Variants in ASIC2 observed in about 807,000 individuals in gnomAD.
ASIC2 encodes acid sensing ion channel subunit 2.
In ASIC2, 25 loss-of-function variants were observed where a neutral mutation model predicts 57.3. The ratio of observed to expected loss-of-function variants is 0.44; its 90% CI spans 0.32 to 0.61. ASIC2 has a LOEUF of 0.61. ASIC2 is among the 20% of genes least tolerant of loss of function. The pLI, the probability that ASIC2 is intolerant of heterozygous loss-of-function variation, is 0.06. For missense variants in ASIC2, 641 were observed against 738.1 expected (o/e 0.87, Z 1.52); for synonymous variants, 319 against 307.5 (o/e 1.04, Z -0.39).
chr17:33,462,046 G>A (rs765921109), intron 1 of ASIC2, among the ~76,000 whole-genome samples: 9 of 152,150 alleles, frequency 5.9e-5, no homozygotes, highest in African/African-American at 9.7e-5. Context: ...AAGAGAGACC[G>A]CGTATTTCAT....
chr17:33,111,839 G>T, intron 2 of ASIC2, 78 bp downstream of exon 2: 1 of 1,531,522 alleles, frequency 6.5e-7, no homozygotes, highest in Non-Finnish European at 8.8e-7. Flanking sequence ...GGTGGGCCAA[G>T]ACAGCTCACC....
intron 1 of ASIC2, among the ~76,000 whole-genome samples, chr17:33,644,893 G>A (rs1413611814): frequency 6.6e-6 from 1 of 152,192 alleles, no homozygotes; most frequent in Non-Finnish European, 1.5e-5. Context: ...AGCTCAGTAT[G>A]TAGGAAGGTA....
chr17:33,058,780 G>A (rs1427701196), intron 3 of ASIC2, among the ~76,000 whole-genome samples: 5 of 151,944 alleles, frequency 3.3e-5, no homozygotes, highest in Non-Finnish European at 7.4e-5. Context: ...AGAAACCAGC[G>A]TAAGGAAAGA....
chr17:34,045,955 T>C (rs370318027), intron 1 of ASIC2, among the ~76,000 whole-genome samples: 1 of 152,278 alleles, frequency 6.6e-6, no homozygotes, highest in East Asian at 1.9e-4. Context: ...GTATAGGGTT[T>C]TGGGGACCAG....
chr17:33,838,789 G>C, intron 1 of ASIC2, among the ~76,000 whole-genome samples: 1 of 152,086 alleles, frequency 6.6e-6, no homozygotes. Context: ...ACCAATGTCT[G>C]CCCCAACCCA....
In ASIC2 at chr17:33,291,479, G is replaced by A; in HGVS notation, c.637C>T (p.His213Tyr). 3.7e-6 allele frequency: 6 copies of A among 1,612,584 alleles called. No homozygotes were observed. Among genetic ancestry groups the A allele is most frequent in the Non-Finnish European group, 5.1e-6 (6 of 1,179,736 alleles). The change falls in exon 1 of 10, where the codon CAC (histidine) becomes TAC (tyrosine). Residue 213 changes from histidine to tyrosine, a missense_variant. By Grantham distance (83) the His-to-Tyr change is moderately conservative. This residue lies in a region of ASIC2 where 382 missense variants were observed against 398.0 expected (regional missense o/e 0.96). Coordinates refer to ENST00000225823, the MANE Select transcript of ASIC2 (RefSeq NM_183377.2). ...ISAAFMDRLG[H>Y]QLEDMLLSCK... The stretch of plus-strand genomic sequence containing the variant: ...GAGAGCAGCATGTCCTCCAGCTGGT[G>A]GCCCAGGCGGTCCATGAAGGCGGCG...
chr17:34,114,078 G>A (rs1032502773), intron 1 of ASIC2, among the ~76,000 whole-genome samples: 2 of 152,094 alleles, frequency 1.3e-5, no homozygotes, highest in African/African-American at 4.8e-5. Context: ...TCACAAGGTG[G>A]AATTTCTCAT....
chr17:33,445,086 C>T (rs1271117579), intron 1 of ASIC2, among the ~76,000 whole-genome samples: 1 of 152,112 alleles, frequency 6.6e-6, no homozygotes, highest in East Asian at 1.9e-4. Flanking sequence ...TAAATGAAAA[C>T]TACAGTAGCC....
intron 1 of ASIC2, among the ~76,000 whole-genome samples, chr17:33,276,919 G>T (rs1462500032): frequency 1.3e-5 from 2 of 152,148 alleles, no homozygotes; most frequent in Admixed American, 1.3e-4. Context: ...TCTGGGGACA[G>T]AGGCCCTTCT....
At chr17:33,608,662 AAC>A (rs1190862432) in intron 1 of ASIC2, among the ~76,000 whole-genome samples, 1 of 152,152 alleles carries the variant, frequency 6.6e-6, no homozygotes, top group East Asian at 1.9e-4. Flanking sequence ...GTTGAGAAGC[AAC>A]ACAGGTCTCC....
chr17:33,278,298 C>A (rs1857171521), intron 1 of ASIC2, among the ~76,000 whole-genome samples: 1 of 151,768 alleles, frequency 6.6e-6, no homozygotes, highest in Non-Finnish European at 1.5e-5. Flanking sequence ...TACCCCCCAA[C>A]ATACAATGTT....
At chr17:33,785,375 C>A (rs1030925254) in intron 1 of ASIC2, among the ~76,000 whole-genome samples, 2 of 152,130 alleles carry the variant, frequency 1.3e-5, no homozygotes, top group African/African-American at 2.4e-5. Flanking sequence ...GCAGCCCTAG[C>A]AATCTCATTT....
chr17:33,435,416 G>C (rs1473229714), intron 1 of ASIC2, among the ~76,000 whole-genome samples: 1 of 152,128 alleles, frequency 6.6e-6, no homozygotes, highest in Non-Finnish European at 1.5e-5. Flanking sequence ...GCATCCACTA[G>C]CCAAAGATGA....
At chr17:33,093,819 C>T (rs1029443187) in intron 2 of ASIC2, among the ~76,000 whole-genome samples, 6 of 152,142 alleles carry the variant, frequency 3.9e-5, no homozygotes, top group East Asian at 1.9e-4. Flanking sequence ...TGGCAAATTA[C>T]GGAAAACATG....
At chr17:33,547,418 A>C (rs1297952927) in intron 1 of ASIC2, among the ~76,000 whole-genome samples, 1 of 152,218 alleles carries the variant, frequency 6.6e-6, no homozygotes, top group African/African-American at 2.4e-5. Flanking sequence ...TCATGAGGCT[A>C]GAGTCCAGAC....
At chr17:34,038,126 C>T (rs4795847) in intron 1 of ASIC2, 3 of 1,612,246 alleles carry the variant, frequency 1.9e-6, no homozygotes, top group Non-Finnish European at 2.5e-6. Context: ...CTCTCCACAC[C>T]CTGTACCATT....
chr17:33,608,311 A>G (rs1187510757), intron 1 of ASIC2, among the ~76,000 whole-genome samples: 1 of 152,086 alleles, frequency 6.6e-6, no homozygotes, highest in Non-Finnish European at 1.5e-5. Context: ...CTCCCCCAGT[A>G]TGGGGTAGAT....
intron 3 of ASIC2, among the ~76,000 whole-genome samples, chr17:33,058,118 C>T (rs759857347): frequency 3.9e-5 from 6 of 152,000 alleles, no homozygotes; most frequent in Admixed American, 6.6e-5. Flanking sequence ...TGGCAATTAA[C>T]GAGGAAATTA....
At chr17:33,223,319 A>G (rs111679694) in intron 1 of ASIC2, among the ~76,000 whole-genome samples, 2,599 of 152,046 alleles carry the variant, frequency 0.017, 60 homozygotes, top group African/African-American at 0.054. Flanking sequence ...AGTAGCTGGG[A>G]TTACAGATGT....
Sources: gnomAD v4.1 joint callset for allele counts (sites outside exome capture counted in the v4.1 genomes callset) on GRCh38, gnomAD v4.1.1 for gene constraint, gnomAD v4.1.1 regional missense constraint, MANE v1.5 for transcripts, NCBI Gene and HGNC (gene_info 2026-07-23, HGNC 2026-07-21) for gene names.